Variants in BMPR1B observed in about 807,000 individuals in gnomAD.
BMPR1B encodes the protein bone morphogenetic protein receptor type-1B.
Under a neutral mutation model 59.1 loss-of-function variants are expected in BMPR1B, and 12 were observed. The ratio of observed to expected loss-of-function variants is 0.20; its 90% CI spans 0.13 to 0.33. BMPR1B has a LOEUF of 0.33. BMPR1B is among the 10% of genes least tolerant of loss of function. The pLI, the probability that BMPR1B is intolerant of heterozygous loss-of-function variation, is 1.00. For missense variants in BMPR1B, 550 were observed against 610.9 expected, an observed-to-expected ratio of 0.90 and a Z score of 1.05; for synonymous variants, 237 against 207.3, an observed-to-expected ratio of 1.14 and a Z score of -1.23.
chr4:94,868,718 G>T (rs1352815008), intron 1 of BMPR1B, among the ~76,000 whole-genome samples: 1 of 152,192 alleles, frequency 6.6e-6, no homozygotes, highest in Non-Finnish European at 1.5e-5. Flanking sequence ...AATATTCCTA[G>T]ATCATGAAAA....
At chr4:95,133,178 A>G (rs1488551979) in intron 10 of BMPR1B, among the ~76,000 whole-genome samples, 1 of 152,112 alleles carries the variant, frequency 6.6e-6, no homozygotes, top group Admixed American at 6.5e-5. Flanking sequence ...TGGGCCTTCT[A>G]TACCATTTTT....
intron 3 of BMPR1B, among the ~76,000 whole-genome samples, chr4:94,999,712 G>GTCCA (rs1293607426): frequency 6.6e-6 from 1 of 152,082 alleles, no homozygotes; most frequent in East Asian, 1.9e-4. Flanking sequence ...GAGAGAATAG[G>GTCCA]TCCATCCTCA....
At chr4:94,844,921 T>A (rs1213751818) in intron 1 of BMPR1B, among the ~76,000 whole-genome samples, 2 of 152,230 alleles carry the variant, frequency 1.3e-5, no homozygotes, top group Non-Finnish European at 2.9e-5. Flanking sequence ...GGCCAGACCC[T>A]GGCAGCCAAA....
intron 9 of BMPR1B, among the ~76,000 whole-genome samples, chr4:95,130,723 C>CTTT (rs148720302): frequency 7.4e-3 from 570 of 77,178 alleles, no homozygotes; most frequent in Middle Eastern, 0.015. Flanking sequence ...CTTTTCTTTT[C>CTTT]TTTTTTTTTT....
chr4:95,011,855 C>A (rs1578924333), intron 3 of BMPR1B, among the ~76,000 whole-genome samples: 1 of 152,072 alleles, frequency 6.6e-6, no homozygotes, highest in East Asian at 1.9e-4. Context: ...CCTATCTCTA[C>A]TAAAAATACA....
chr4:95,152,580 A>G, intron 11 of BMPR1B, 63 bp from the exon 12 acceptor site: 1 of 1,414,014 alleles, frequency 7.1e-7, no homozygotes, highest in South Asian at 1.4e-5. Context: ...ACTGTGTTAG[A>G]CTTTTATTTC....
intron 3 of BMPR1B, among the ~76,000 whole-genome samples, chr4:95,030,699 A>G (rs1379589033): frequency 6.6e-6 from 1 of 152,150 alleles, no homozygotes; most frequent in African/African-American, 2.4e-5. Context: ...AATGTACAAA[A>G]ATCACAAGCA....
intron 1 of BMPR1B, among the ~76,000 whole-genome samples, chr4:94,831,912 T>C (rs1243209885): frequency 2.0e-5 from 3 of 152,166 alleles, no homozygotes; most frequent in Non-Finnish European, 4.4e-5. Context: ...GTGAGCTTCT[T>C]ATGAGAATAT....
intron 2 of BMPR1B, among the ~76,000 whole-genome samples, chr4:94,934,589 A>T (rs1438998377): frequency 6.6e-6 from 1 of 151,716 alleles, no homozygotes; most frequent in Non-Finnish European, 1.5e-5. Flanking sequence ...GAGACTTAAT[A>T]GACTAATTAA....
At chr4:95,144,412 C>G (rs1005036855) in intron 10 of BMPR1B, among the ~76,000 whole-genome samples, 3 of 151,880 alleles carry the variant, frequency 2.0e-5, no homozygotes, top group Non-Finnish European at 4.4e-5. Flanking sequence ...TGGACTCAAG[C>G]AAGCAATCCA....
intron 8 of BMPR1B, among the ~76,000 whole-genome samples, chr4:95,127,044 C>CTGTGTGTGTGTGTGTGTGTG (rs6148578): frequency 0.051 from 7,509 of 146,274 alleles, 227 homozygotes; most frequent in Non-Finnish European, 0.065. Context: ...AGAATTAAGA[C>CTGTGTGTGTGTGTGTGTGTG]TGTGTGTGTG....
At chr4:94,842,444 A>G (rs190244095) in intron 1 of BMPR1B, among the ~76,000 whole-genome samples, 2 of 152,246 alleles carry the variant, frequency 1.3e-5, no homozygotes, top group Admixed American at 1.3e-4. Flanking sequence ...TTCATAAAAT[A>G]TTTTCCACTT....
intron 1 of BMPR1B, among the ~76,000 whole-genome samples, chr4:94,851,246 G>A (rs1004239082): frequency 6.7e-6 from 1 of 148,600 alleles, no homozygotes; most frequent in Admixed American, 6.7e-5. Flanking sequence ...AAGTAATTTT[G>A]ATAGGAAAAC....
chr4:95,077,768 T>C (rs1728822294), intron 3 of BMPR1B, among the ~76,000 whole-genome samples: 1 of 152,234 alleles, frequency 6.6e-6, no homozygotes, highest in African/African-American at 2.4e-5. Context: ...ATGAAGATGT[T>C]ATAGAATGTG....
Position 95,154,577 on chromosome 4 carries a change from A to G in BMPR1B, c.1413A>G (p.Thr471=). ...ECLRQMGKLM[T]ECWAHNPASR... is the part of the protein sequence containing the mutation. ...TAAGGCAGATGGGAAAACTCATGAC[A>G]GAATGCTGGGCTCACAATCCTGCAT... The change falls in exon 13 of 13, where the codon ACA becomes ACG. Residue 471 remains threonine (T), a synonymous_variant. Transcript: ENST00000515059. 6.2e-7 allele frequency: 1 copy of G among 1,614,148 alleles called. No homozygotes were observed. Among genetic ancestry groups the G allele is most frequent in the Non-Finnish European group, 8.5e-7 (1 of 1,179,980 alleles).
chr4:94,964,115 C>CT lies in BMPR1B; in HGVS notation c.-112-31919dup, dbSNP rs1356354254. Reference sequence around the variant, plus strand: ...GTAAATTGAATTCCTTTCTTGGTTTCTTTTTTAGATTGTTAGCTTTTAGCA... The same window carrying CT: ...GTAAATTGAATTCCTTTCTTGGTTTCTTTTTTTAGATTGTTAGCTTTTAGCA... On this transcript the variant is annotated intron_variant, in intron 2 of 12. Coordinates refer to ENST00000515059, the MANE Select transcript of BMPR1B (RefSeq NM_001203.3). Among the ~76,000 whole-genome samples the CT allele has an allele frequency of 5.9e-5, 9 of 151,890 alleles. No homozygotes were observed. In the South Asian group the frequency reaches 1.7e-3, roughly 28 times the overall value.
chr4:95,004,581 A>T (rs1335170991), intron 3 of BMPR1B, among the ~76,000 whole-genome samples: 1 of 152,162 alleles, frequency 6.6e-6, no homozygotes, highest in Non-Finnish European at 1.5e-5. Flanking sequence ...TAATTCAGTT[A>T]TGGTTTTATA....
chr4:95,144,862 C>T (rs1024187654), intron 10 of BMPR1B, among the ~76,000 whole-genome samples: 2 of 152,124 alleles, frequency 1.3e-5, no homozygotes, highest in Admixed American at 6.5e-5. Flanking sequence ...AGTTCTCCTT[C>T]GTAGCAGCTC....
intron 11 of BMPR1B, among the ~76,000 whole-genome samples, chr4:95,152,326 A>G (rs924600483): frequency 2.0e-5 from 3 of 152,194 alleles, no homozygotes; most frequent in Non-Finnish European, 4.4e-5. Context: ...GAGATTTAAT[A>G]TAGATTTGTC....
Sources: allele counts gnomAD v4.1 joint callset (sites outside exome capture counted in the v4.1 genomes callset), GRCh38; gene constraint gnomAD v4.1.1; transcripts MANE v1.5; gene names NCBI Gene and HGNC (gene_info 2026-07-23, HGNC 2026-07-21).